Variants in UMAD1 observed in about 807,000 individuals in gnomAD.
UMAD1 encodes the protein UBAP1-MVB12-associated (UMA)-domain containing protein 1.
In UMAD1, 8 loss-of-function variants were observed where a neutral mutation model predicts 6.1. The observed-to-expected ratio is 1.30, with a 90% CI of 0.76 to 2.35. The LOEUF is 2.35. Ranked by LOEUF, UMAD1 falls within the 30% of genes most tolerant of loss-of-function variation. The pLI is 0.00. For synonymous variants in UMAD1, 56 were observed against 31.4 expected, an observed-to-expected ratio of 1.78 and a Z score of -2.61; for missense variants, 130 against 78.4, an observed-to-expected ratio of 1.66 and a Z score of -2.49.
chr7:7,659,258 C>G (rs1462011744), intron 1 of UMAD1, among the ~76,000 whole-genome samples: 3 of 152,066 alleles, frequency 2.0e-5, no homozygotes, highest in African/African-American at 7.2e-5. Flanking sequence ...AAAGCCAGCT[C>G]CTGGATTCAT....
At chr7:7,844,778 C>T (rs1303344953) in intron 3 of UMAD1, among the ~76,000 whole-genome samples, 1 of 152,112 alleles carries the variant, frequency 6.6e-6, no homozygotes, top group Non-Finnish European at 1.5e-5. Flanking sequence ...ATGTAAGATG[C>T]TAGTGATCCA....
chr7:7,787,945 C>A (rs1318129046), intron 2 of UMAD1, among the ~76,000 whole-genome samples: 2 of 152,190 alleles, frequency 1.3e-5, no homozygotes, highest in African/African-American at 4.8e-5. Context: ...CTTCACCTAA[C>A]CTATAGCTTC....
chr7:7,754,536 T>C (rs1293253494), intron 2 of UMAD1, among the ~76,000 whole-genome samples: 1 of 152,220 alleles, frequency 6.6e-6, no homozygotes, highest in East Asian at 1.9e-4. Flanking sequence ...GCTTTCCTTA[T>C]GTATGTTTTA....
At chr7:7,752,367 A>G (rs1563178568) in intron 2 of UMAD1, among the ~76,000 whole-genome samples, 2 of 152,164 alleles carry the variant, frequency 1.3e-5, no homozygotes, top group African/African-American at 4.8e-5. Context: ...TAACCACAAA[A>G]TACGTATCGA....
intron 3 of UMAD1, among the ~76,000 whole-genome samples, chr7:7,829,146 C>A (rs1033102388): frequency 1.3e-5 from 2 of 152,096 alleles, no homozygotes; most frequent in African/African-American, 4.8e-5. Flanking sequence ...AGGACTTGGC[C>A]TTGTATAGGG....
At chr7:7,837,449 G>T (rs1252211432) in intron 3 of UMAD1, among the ~76,000 whole-genome samples, 1 of 152,062 alleles carries the variant, frequency 6.6e-6, no homozygotes, top group Non-Finnish European at 1.5e-5. Context: ...ATGGCTTATA[G>T]CCAACAACTC....
chr7:7,740,080 T>C (rs758586164), intron 2 of UMAD1, among the ~76,000 whole-genome samples: 12 of 152,246 alleles, frequency 7.9e-5, no homozygotes, highest in Non-Finnish European at 1.8e-4. Flanking sequence ...AAACCCTGGA[T>C]TGCTACTGCT....
intron 1 of UMAD1, among the ~76,000 whole-genome samples, chr7:7,664,696 A>T (rs980319879): frequency 3.9e-5 from 6 of 152,176 alleles, no homozygotes; most frequent in Non-Finnish European, 8.8e-5. Flanking sequence ...TGCGCAGCCT[A>T]CCAGAGTTCT....
rs1178589012 is a variant in UMAD1, at chr7:7,877,319, C to T, written c.195C>T (p.Asp65=). The change falls in exon 4 of 4, where the codon GAC becomes GAT. Residue 65 remains aspartate (D), a synonymous_variant. Transcript: ENST00000682710. ...KENSSSVTVS[D]PEMENKAGQT... ...ATTCATCCAGTGTGACTGTATCAGA[C>T]CCTGAGATGGAAAATAAGGCAGGCC... 3 of 717,424 alleles carry T rather than the reference C, an allele frequency of 4.2e-6. No homozygotes were observed. The highest frequency in any genetic ancestry group is 3.5e-5 in the African/African-American group (2 of 57,372). 44.4% of individuals were successfully genotyped at this position (717,424 alleles called of 1,614,324 possible). A position where few individuals can be genotyped will look rare whatever the true frequency, so the allele number is the denominator to read the frequency against.
At chr7:7,798,943 A>G (rs1782742480) in intron 2 of UMAD1, among the ~76,000 whole-genome samples, 1 of 152,160 alleles carries the variant, frequency 6.6e-6, no homozygotes, top group African/African-American at 2.4e-5. Flanking sequence ...GTATTATGAA[A>G]TTGTCAGTGT....
chr7:7,745,411 G>T (rs954497081), intron 2 of UMAD1, among the ~76,000 whole-genome samples: 1 of 152,092 alleles, frequency 6.6e-6, no homozygotes, highest in East Asian at 1.9e-4. Flanking sequence ...ACTCCTTACG[G>T]GGTGTGCCTA....
chr7:7,722,380 C>A (rs964152487), intron 2 of UMAD1, among the ~76,000 whole-genome samples: 1 of 151,974 alleles, frequency 6.6e-6, no homozygotes, highest in African/African-American at 2.4e-5. Flanking sequence ...AAGGACTCTA[C>A]TTCTAATGGT....
chr7:7,684,849 G>A (rs1583733870), intron 2 of UMAD1, among the ~76,000 whole-genome samples: 2 of 152,124 alleles, frequency 1.3e-5, no homozygotes, highest in Middle Eastern at 3.2e-3. Context: ...CTATTTGGGG[G>A]TAGTTGACTG....
intron 3 of UMAD1, among the ~76,000 whole-genome samples, chr7:7,829,584 C>T (rs760660530): frequency 1.2e-4 from 18 of 152,156 alleles, no homozygotes; most frequent in Admixed American, 8.5e-4. Context: ...CTTTAGGTCT[C>T]ATATAATGAA....
chr7:7,879,168 A>C lies in UMAD1; in HGVS notation c.*1630A>C, dbSNP rs573323477. ...TTCATGTGTCTATAAAAAATGTTAT[A>C]TTTAAATAAATGTGAATTAAAATAA... On this transcript the variant is annotated 3_prime_UTR_variant, in exon 4 of 4. Transcript: ENST00000682710. The C allele has an allele frequency of 6.6e-6, 1 of 152,328 alleles. No individual in the cohort carries two copies. The highest frequency in any genetic ancestry group is 2.1e-4 in the South Asian group (1 of 4,832). 9.4% of individuals were successfully genotyped at this position (152,328 alleles called of 1,614,324 possible).
At chr7:7,772,766 A>T (rs1353988548) in intron 2 of UMAD1, among the ~76,000 whole-genome samples, 1 of 152,202 alleles carries the variant, frequency 6.6e-6, no homozygotes, top group Non-Finnish European at 1.5e-5. Context: ...TTTGCTTTTT[A>T]ATCGAGAACT....
At chr7:7,815,362 G>T (rs1388074765) in intron 3 of UMAD1, among the ~76,000 whole-genome samples, 1 of 152,070 alleles carries the variant, frequency 6.6e-6, no homozygotes, top group East Asian at 1.9e-4. Context: ...TTTTAGATTG[G>T]AAGGAAATTA....
At chr7:7,671,835 A>T (rs369502625) in intron 1 of UMAD1, among the ~76,000 whole-genome samples, 4 of 152,268 alleles carry the variant, frequency 2.6e-5, no homozygotes, top group African/African-American at 9.6e-5. Context: ...TACTATATCC[A>T]GTAAGCACTT....
intron 2 of UMAD1, among the ~76,000 whole-genome samples, chr7:7,724,770 G>A (rs1422404403): frequency 6.6e-6 from 1 of 152,242 alleles, no homozygotes; most frequent in East Asian, 1.9e-4. Flanking sequence ...TACCTGGTAT[G>A]CAGCCATTGA....
Sources: allele counts gnomAD v4.1 joint callset (sites outside exome capture counted in the v4.1 genomes callset), GRCh38; gene constraint gnomAD v4.1.1; transcripts MANE v1.5; gene names NCBI Gene and HGNC (gene_info 2026-07-23, HGNC 2026-07-21).